The following KCTD8 variants were observed in gnomAD, a reference collection of about 807,000 sequenced individuals.
KCTD8 encodes the protein BTB/POZ domain-containing protein KCTD8.
KCTD8 carries 27 observed loss-of-function variants against 31.5 expected under a neutral mutation model. The ratio of observed to expected loss-of-function variants is 0.86; its 90% CI spans 0.63 to 1.18. The LOEUF (loss-of-function observed/expected upper bound fraction) is 1.18, where lower values mean the gene tolerates loss of function less well. Among genes scored for constraint, KCTD8 ranks in the 50% most tolerant of loss-of-function variants. KCTD8 has a pLI of 0.00. For synonymous variants in KCTD8, 290 were observed against 280.0 expected, an observed-to-expected ratio of 1.04 and a Z score of -0.36; for missense variants, 658 against 647.7, an observed-to-expected ratio of 1.02 and a Z score of -0.17.
intron 1 of KCTD8, among the ~76,000 whole-genome samples, chr4:44,340,820 G>C (rs1038165652): frequency 6.6e-6 from 1 of 152,104 alleles, no homozygotes; most frequent in Non-Finnish European, 1.5e-5. Context: ...TCAGAAGAGT[G>C]CTTGCCTTGG....
chr4:44,398,907 A>T (rs1191588975), intron 1 of KCTD8, among the ~76,000 whole-genome samples: 1 of 152,204 alleles, frequency 6.6e-6, no homozygotes, highest in African/African-American at 2.4e-5. Flanking sequence ...GTCATACAAT[A>T]GGCCCAGCCA....
At chr4:44,244,848 G>GT (rs1715606448) in intron 1 of KCTD8, among the ~76,000 whole-genome samples, 2 of 19,768 alleles carry the variant, frequency 1.0e-4, no homozygotes, top group Admixed American at 8.2e-4. Flanking sequence ...CTGTAGTTGT[G>GT]GGGGGGGGGG....
At chr4:44,321,131 A>T (rs1232005199) in intron 1 of KCTD8, among the ~76,000 whole-genome samples, 1 of 152,174 alleles carries the variant, frequency 6.6e-6, no homozygotes, top group Non-Finnish European at 1.5e-5. Context: ...ACTTCACTGC[A>T]TTTATTTCCT....
intron 1 of KCTD8, among the ~76,000 whole-genome samples, chr4:44,267,135 T>C (rs1379142536): frequency 6.6e-6 from 1 of 152,122 alleles, no homozygotes; most frequent in Non-Finnish European, 1.5e-5. Flanking sequence ...ATTGACCACA[T>C]ACTTGGAAGT....
rs1309989541 is a variant in KCTD8, at chr4:44,448,332, G to C, written c.192C>G (p.Ser64Arg). The C allele has an allele frequency of 1.3e-6, 2 of 1,597,242 alleles. No individual in the cohort carries two copies. Among genetic ancestry groups the C allele is most frequent in the South Asian group, 2.2e-5 (2 of 89,626 alleles). The change falls in exon 1 of 2, where the codon AGC becomes AGG. Residue 64 changes from serine to arginine, a missense_variant. Ser to Arg is a moderately radical substitution (Grantham distance 110). Transcript: ENST00000360029. This position sits in a 1 kb window ranked among gnomAD's most constrained non-coding sequence, Gnocchi z 4.1. ...TGCTGGCCAAAGTACTGTCCGGGAC[G>C]CTGAGCAGCGTCGAGTGCTTGGTCA... is the stretch of plus-strand genomic sequence containing the variant. The part of the protein sequence containing the change: ...VYVTKHSTLL[S>R]VPDSTLASMF...
chr4:44,254,472 G>A (rs1039574525), intron 1 of KCTD8, among the ~76,000 whole-genome samples: 21 of 151,862 alleles, frequency 1.4e-4, no homozygotes, highest in South Asian at 4.1e-4. Context: ...AGTGCAAAGC[G>A]TAGCCCTTGA....
At chr4:44,378,351 C>T (rs1719972107) in intron 1 of KCTD8, among the ~76,000 whole-genome samples, 1 of 150,320 alleles carries the variant, frequency 6.7e-6, no homozygotes, top group African/African-American at 2.4e-5. Context: ...ATGAGATATA[C>T]CTAATGTAAA....
At chr4:44,274,448 T>C (rs959505989) in intron 1 of KCTD8, among the ~76,000 whole-genome samples, 3 of 151,916 alleles carry the variant, frequency 2.0e-5, no homozygotes, top group Non-Finnish European at 2.9e-5. Flanking sequence ...CTTTCAGTTT[T>C]TCCATGAACT....
chr4:44,371,408 T>A (rs1411742664), intron 1 of KCTD8, among the ~76,000 whole-genome samples: 3 of 152,168 alleles, frequency 2.0e-5, no homozygotes, highest in Non-Finnish European at 4.4e-5. Flanking sequence ...AAAAGTCACA[T>A]AAGAACAGGG....
In KCTD8 at chr4:44,174,503, A is replaced by G. The variant is rs762574766; in HGVS notation, c.*287T>C. 3 of 261,806 alleles carry G rather than the reference A, an allele frequency of 1.1e-5. No homozygotes were observed. Among genetic ancestry groups the G allele is most frequent in the Middle Eastern group, 1.1e-3 (1 of 876 alleles). The allele number at this position is 261,806 out of a possible 1,614,324, so 16.2% of individuals were successfully genotyped here. A position where few individuals can be genotyped will look rare whatever the true frequency, so the allele number is the denominator to read the frequency against. ...CCAGTTGACCAGAGTTCAAAAACCA[A>G]GATACTAAGCTTGATCATGCACATT... On this transcript the variant is annotated 3_prime_UTR_variant, in exon 2 of 2. Transcript: ENST00000360029.
chr4:44,408,848 A>G (rs1392320368), intron 1 of KCTD8, among the ~76,000 whole-genome samples: 2 of 151,884 alleles, frequency 1.3e-5, no homozygotes, highest in Admixed American at 1.3e-4. Flanking sequence ...TGATATCCTG[A>G]CCTCATGATC....
intron 1 of KCTD8, among the ~76,000 whole-genome samples, chr4:44,354,134 T>C (rs1173994677): frequency 1.3e-5 from 2 of 152,160 alleles, no homozygotes; most frequent in Admixed American, 1.3e-4. Context: ...CTACCAATCT[T>C]TTTTCAAATG....
intron 1 of KCTD8, among the ~76,000 whole-genome samples, chr4:44,359,855 T>C (rs1376910904): frequency 6.6e-6 from 1 of 152,096 alleles, no homozygotes; most frequent in African/African-American, 2.4e-5. Context: ...TGACAGACAT[T>C]AACAAAATCA....
rs149984113 is a variant in KCTD8, at chr4:44,222,878, T to C, written c.962-47628A>G. On this transcript the variant is annotated intron_variant, in intron 1 of 1. Transcript: ENST00000360029. ...CAACAGTAACAATAGCTGGTTAGTA[T>C]TGGATAAGGTAAACAGTGGCCCTGA... is the stretch of plus-strand genomic sequence containing the variant. Among the ~76,000 whole-genome samples, 1,111 of 152,278 alleles carry C rather than the reference T, an allele frequency of 7.3e-3. 11 individuals are homozygous for C. The highest frequency in any genetic ancestry group is 0.01 in the Middle Eastern group (3 of 294).
intron 1 of KCTD8, among the ~76,000 whole-genome samples, chr4:44,370,053 AT>A (rs777823886): frequency 6.6e-6 from 1 of 152,178 alleles, no homozygotes; most frequent in East Asian, 1.9e-4. Flanking sequence ...TGACATTGCA[AT>A]TCTGTTTCTG....
intron 1 of KCTD8, among the ~76,000 whole-genome samples, chr4:44,307,366 T>C (rs564968816): frequency 6.6e-6 from 1 of 152,140 alleles, no homozygotes; most frequent in East Asian, 1.9e-4. Flanking sequence ...CATCTATATC[T>C]GTTGCCTAAA....
At chr4:44,415,478 T>C (rs1721053287) in intron 1 of KCTD8, among the ~76,000 whole-genome samples, 1 of 152,104 alleles carries the variant, frequency 6.6e-6, no homozygotes, top group African/African-American at 2.4e-5. Flanking sequence ...ATTTTGGCAG[T>C]CTTCAAGTCT....
chr4:44,233,868 G>GC (rs1347347956), intron 1 of KCTD8, among the ~76,000 whole-genome samples: 1 of 152,026 alleles, frequency 6.6e-6, no homozygotes, highest in African/African-American at 2.4e-5. Flanking sequence ...GAAACAGTCT[G>GC]TACATATGGT....
intron 1 of KCTD8, among the ~76,000 whole-genome samples, chr4:44,266,764 C>G (rs570551123): frequency 6.6e-6 from 1 of 152,168 alleles, no homozygotes; most frequent in East Asian, 1.9e-4. Flanking sequence ...ATAAAACAGG[C>G]TTTAAACCAA....
Sources: gnomAD v4.1 joint callset for allele counts (sites outside exome capture counted in the v4.1 genomes callset) on GRCh38, gnomAD v4.1.1 for gene constraint, Gnocchi (gnomAD v3.1) non-coding constraint, MANE v1.5 for transcripts, NCBI Gene and HGNC (gene_info 2026-07-23, HGNC 2026-07-21) for gene names.